The following TRAPPC9 variants were observed in gnomAD, a reference collection of about 807,000 sequenced individuals.
TRAPPC9 encodes the protein IKK2 binding protein.
In TRAPPC9, 83 loss-of-function variants were observed where a neutral mutation model predicts 124.0. The observed-to-expected ratio is 0.67, with a 90% CI of 0.56 to 0.80. TRAPPC9 has a LOEUF of 0.80. Ranked by LOEUF, TRAPPC9 falls within the 30% of genes least tolerant of loss-of-function variation. TRAPPC9 has a pLI of 0.00. For missense variants in TRAPPC9, 1,302 were observed against 1,508.3 expected (o/e 0.86, Z 2.27); for synonymous variants, 638 against 617.5 (o/e 1.03, Z -0.49).
chr8:140,322,402 G>A (rs2066619677), intron 9 of TRAPPC9, among the ~76,000 whole-genome samples: 2 of 152,114 alleles, frequency 1.3e-5, no homozygotes, highest in Middle Eastern at 3.2e-3. Flanking sequence ...TTTTGAGGAG[G>A]GTAAATATTT....
intron 11 of TRAPPC9, among the ~76,000 whole-genome samples, chr8:140,299,878 T>C (rs2131820773): frequency 6.6e-6 from 1 of 152,288 alleles, no homozygotes; most frequent in Non-Finnish European, 1.5e-5. Context: ...ATCACCTGTG[T>C]TCACAAAAGA....
chr8:139,809,948 C>T (rs1243368588), intron 21 of TRAPPC9, among the ~76,000 whole-genome samples: 1 of 152,044 alleles, frequency 6.6e-6, no homozygotes, highest in Non-Finnish European at 1.5e-5. Flanking sequence ...GCGCTGAAAG[C>T]AGAGGTGCTA....
rs78415426 is a variant in TRAPPC9 at position 140,420,819 on chromosome 8, T to C, written c.886+5796A>G. Among the ~76,000 whole-genome samples, 1,043 of 152,306 alleles carry C rather than the reference T, an allele frequency of 6.8e-3. 10 individuals are homozygous for C. Among genetic ancestry groups the C allele is most frequent in the African/African-American group, 0.023 (958 of 41,574 alleles). On this transcript the variant is annotated intron_variant, in intron 5 of 22. Coordinates refer to ENST00000438773, the MANE Select transcript of TRAPPC9 (RefSeq NM_001160372.4). ...AAACCCATCAAGTTCCTAGGGAAAT[T>C]TGTATAACATATAAAAACAAATTCA...
chr8:140,304,696 G>A (rs575329531), intron 10 of TRAPPC9, among the ~76,000 whole-genome samples: 6 of 152,256 alleles, frequency 3.9e-5, no homozygotes, highest in African/African-American at 7.2e-5. Flanking sequence ...AGTCAGCATC[G>A]GCAGACACCT....
intron 9 of TRAPPC9, among the ~76,000 whole-genome samples, chr8:140,333,544 C>G (rs1463869954): frequency 6.6e-6 from 1 of 152,216 alleles, no homozygotes; most frequent in Non-Finnish European, 1.5e-5. Flanking sequence ...GCACCCACCA[C>G]CATGCCCAGC....
At chr8:140,407,153 G>A (rs1199986075) in intron 5 of TRAPPC9, among the ~76,000 whole-genome samples, 1 of 152,304 alleles carries the variant, frequency 6.6e-6, no homozygotes, top group East Asian at 1.9e-4. Flanking sequence ...TCTCTGCAGG[G>A]GAGGAGACAA....
intron 21 of TRAPPC9, among the ~76,000 whole-genome samples, chr8:139,767,071 C>T (rs532370202): frequency 4.7e-4 from 72 of 152,202 alleles, no homozygotes; most frequent in African/African-American, 3.4e-4. Flanking sequence ...AGGACGCCAA[C>T]GAGGACCCTG....
At chr8:140,010,475 A>T (rs1405889986) in intron 18 of TRAPPC9, among the ~76,000 whole-genome samples, 1 of 152,240 alleles carries the variant, frequency 6.6e-6, no homozygotes, top group Non-Finnish European at 1.5e-5. Flanking sequence ...AATATACGGC[A>T]CACAAAACTT....
At chr8:139,734,148 T>C (rs547937422) in intron 21 of TRAPPC9, among the ~76,000 whole-genome samples, 10 of 152,094 alleles carry the variant, frequency 6.6e-5, no homozygotes, top group Non-Finnish European at 1.3e-4. Context: ...TCCAGGGTCC[T>C]GGGTTCACAG....
chr8:139,849,787 G>T (rs1444428046), intron 21 of TRAPPC9, among the ~76,000 whole-genome samples: 2 of 152,192 alleles, frequency 1.3e-5, no homozygotes, highest in African/African-American at 4.8e-5. Flanking sequence ...AGGATGAGAT[G>T]GTCAGGAGGT....
At chr8:140,147,404 G>A (rs998707206) in intron 17 of TRAPPC9, among the ~76,000 whole-genome samples, 6 of 152,182 alleles carry the variant, frequency 3.9e-5, no homozygotes, top group Admixed American at 3.3e-4. Context: ...CACAACTCAC[G>A]AACGTCTCAA....
At chr8:139,736,676 GTGA>G (rs1385654600) in intron 21 of TRAPPC9, among the ~76,000 whole-genome samples, 1 of 152,218 alleles carries the variant, frequency 6.6e-6, no homozygotes, top group East Asian at 1.9e-4. Flanking sequence ...TCTAATGACC[GTGA>G]TGATGATGGC....
In TRAPPC9 at chr8:140,291,390, C is replaced by T. The variant is rs139780755; in HGVS notation, c.1769-312G>A. On this transcript the variant is annotated intron_variant, in intron 11 of 22. Transcript: ENST00000438773. ...GAGCCATAAGGCACACTGCGCTTCA[C>T]GGGGCCCAGAAGCTGGCAACACAGG... 82 of 433,918 alleles carry T rather than the reference C, an allele frequency of 1.9e-4. No individual in the cohort carries two copies. In the Middle Eastern group the frequency reaches 2.1e-3, roughly 11 times the overall value. The allele number at this position is 433,918 out of a possible 1,614,324, so 26.9% of individuals were successfully genotyped here. A position where few individuals can be genotyped will look rare whatever the true frequency, so the allele number is the denominator to read the frequency against.
chr8:140,234,096 C>T (rs907361447), intron 16 of TRAPPC9, among the ~76,000 whole-genome samples: 1 of 152,136 alleles, frequency 6.6e-6, no homozygotes, highest in African/African-American at 2.4e-5. Flanking sequence ...CAGTCCGTGG[C>T]CTGTAGGAAC....
intron 7 of TRAPPC9, among the ~76,000 whole-genome samples, chr8:140,390,703 T>C (rs2068901505): frequency 6.6e-6 from 1 of 152,236 alleles, no homozygotes; most frequent in Non-Finnish European, 1.5e-5. Context: ...GAGATTTCCT[T>C]ATATGCCTCT....
chr8:139,950,679 A>G (rs1375872757), intron 19 of TRAPPC9, among the ~76,000 whole-genome samples: 2 of 152,262 alleles, frequency 1.3e-5, no homozygotes, highest in African/African-American at 4.8e-5. Context: ...TGCTACAGGT[A>G]TGAATCAGAC....
At chr8:139,853,675 G>C (rs1827633304) in intron 21 of TRAPPC9, among the ~76,000 whole-genome samples, 1 of 152,160 alleles carries the variant, frequency 6.6e-6, no homozygotes, top group Non-Finnish European at 1.5e-5. Flanking sequence ...GTTCCTCCTG[G>C]GCCAATGATG....
intron 5 of TRAPPC9, among the ~76,000 whole-genome samples, chr8:140,419,214 G>A (rs560231959): frequency 2.6e-5 from 4 of 152,166 alleles, no homozygotes; most frequent in African/African-American, 9.6e-5. Flanking sequence ...GGATCAGGAG[G>A]TCAGGAGATT....
In TRAPPC9 at chr8:139,907,257, C is replaced by G. The variant is rs141494291; in HGVS notation, c.2964+2890G>C. Among the ~76,000 whole-genome samples the G allele has an allele frequency of 1.1e-3, 174 of 152,228 alleles. No individual in the cohort carries two copies. Among genetic ancestry groups the G allele is most frequent in the African/African-American group, 4.1e-3 (170 of 41,548 alleles). On this transcript the variant is annotated intron_variant, in intron 20 of 22. Coordinates refer to ENST00000438773, the MANE Select transcript of TRAPPC9 (RefSeq NM_001160372.4). The surrounding 1 kb of genome is among the most constrained non-coding windows in gnomAD (Gnocchi z 4.7). Reference sequence around the variant, plus strand: ...TGTGCATCGACCCAGTGCAAGATCCCCAATTTCCTTTAAAACGCATCTATC... The same window carrying G: ...TGTGCATCGACCCAGTGCAAGATCCGCAATTTCCTTTAAAACGCATCTATC...
Sources: gnomAD v4.1 joint callset for allele counts (sites outside exome capture counted in the v4.1 genomes callset) on GRCh38, gnomAD v4.1.1 for gene constraint, Gnocchi (gnomAD v3.1) non-coding constraint, MANE v1.5 for transcripts, NCBI Gene and HGNC (gene_info 2026-07-23, HGNC 2026-07-21) for gene names.